Variants in SLC23A2 observed in about 807,000 individuals in gnomAD.
SLC23A2 encodes solute carrier family 23 member 2.
In SLC23A2, 36 loss-of-function variants were observed where a neutral mutation model predicts 73.3. The ratio of observed to expected loss-of-function variants is 0.49; its 90% CI spans 0.38 to 0.65. The LOEUF (loss-of-function observed/expected upper bound fraction) is 0.65, where lower values mean the gene tolerates loss of function less well. SLC23A2 is among the 30% of genes least tolerant of loss of function. SLC23A2 has a pLI of 0.00. For missense variants in SLC23A2, 507 were observed against 841.6 expected (o/e 0.60, Z 4.92); for synonymous variants, 343 against 327.3 (o/e 1.05, Z -0.52).
chr20:4,955,657 G>T lies in SLC23A2; in HGVS notation c.-155+15136C>A, dbSNP rs1385050789. Among the ~76,000 whole-genome samples the T allele has an allele frequency of 4.6e-5, 7 of 152,230 alleles. No individual in the cohort carries two copies. The East Asian group carries it at 1.3e-3, about 29-fold the overall frequency. ...TACAAAAAAATTAGCCGGGTATGGG[G>T]GCAGTGCCTTTAGTCCTAGCTACTT... On this transcript the variant is annotated intron_variant, in intron 2 of 16. Transcript: ENST00000338244.
intron 4 of SLC23A2, among the ~76,000 whole-genome samples, chr20:4,910,890 C>T (rs1776967): frequency 0.12 from 18,603 of 152,162 alleles, 1,417 homozygotes; most frequent in African/African-American, 0.2. Flanking sequence ...AAAATGTTCA[C>T]CCAAACAGGA....
At chr20:4,879,407 T>TAAAAAA (rs1930789225) in intron 9 of SLC23A2, among the ~76,000 whole-genome samples, 1 of 22,906 alleles carries the variant, frequency 4.4e-5, no homozygotes, top group African/African-American at 4.1e-4. Context: ...AAACTCTGTC[T>TAAAAAA]CAAAAAAAAA....
At chr20:4,938,386 T>C (rs1252042242) in intron 2 of SLC23A2, among the ~76,000 whole-genome samples, 1 of 149,840 alleles carries the variant, frequency 6.7e-6, no homozygotes, top group African/African-American at 2.5e-5. Context: ...TTCCCCAGGC[T>C]GGAGTGCAAT....
At chr20:5,000,157 T>A (rs2088093908) in intron 1 of SLC23A2, among the ~76,000 whole-genome samples, 1 of 152,134 alleles carries the variant, frequency 6.6e-6, no homozygotes, top group African/African-American at 2.4e-5. Flanking sequence ...AGAATTCTGA[T>A]TTTTTGAGCT....
In SLC23A2 at chr20:4,899,492, AT is replaced by A. The variant is rs1931666457; in HGVS notation, c.482+62del. The A allele has an allele frequency of 3.9e-4, 23 of 58,772 alleles. No individual in the cohort carries two copies. Among genetic ancestry groups the A allele is most frequent in the Admixed American group, 2.5e-3 (11 of 4,386 alleles). The allele number at this position is 58,772 out of a possible 1,614,324, so 3.6% of individuals were successfully genotyped here. On this transcript the variant is annotated intron_variant, in intron 6 of 16. Transcript: ENST00000338244. The surrounding 1 kb of genome is among the most constrained non-coding windows in gnomAD (Gnocchi z 4.9). ...AGCCCTAGGCAAACGGCGCAGCTCA[AT>A]GCCTTCTGCGCTCAATGCCTTCTGG...
In SLC23A2 at chr20:4,883,931, C is replaced by G; in HGVS notation, c.643-108G>C. 1.3e-6 allele frequency: 1 copy of G among 767,360 alleles called. No homozygotes were observed. Among genetic ancestry groups the G allele is most frequent in the Admixed American group, 3.2e-5 (1 of 30,976 alleles). The allele number at this position is 767,360 out of a possible 1,614,324, so 47.5% of individuals were successfully genotyped here. A position where few individuals can be genotyped will look rare whatever the true frequency, so the allele number is the denominator to read the frequency against. On this transcript the variant is annotated intron_variant, in intron 8 of 16. Coordinates refer to ENST00000338244, the MANE Select transcript of SLC23A2 (RefSeq NM_005116.6). This position sits in a 1 kb window ranked among gnomAD's most constrained non-coding sequence, Gnocchi z 4.5. ...AATTCTGCAAGGCAATAAGTTATTACATCATCTAACTTGGGAGAGATAGCT... is the reference window on the plus strand; with the variant it reads ...AATTCTGCAAGGCAATAAGTTATTAGATCATCTAACTTGGGAGAGATAGCT...
In SLC23A2 at chr20:4,856,414, G is replaced by T; in HGVS notation, c.*558C>A. ...CATGGCCAGATCTGGGCACAGGGGA[G>T]CCACGCCACTGTTTTCAGGTCAACA... On this transcript the variant is annotated 3_prime_UTR_variant, in exon 17 of 17. Coordinates refer to ENST00000338244, the MANE Select transcript of SLC23A2 (RefSeq NM_005116.6). The surrounding 1 kb of genome is among the most constrained non-coding windows in gnomAD (Gnocchi z 4.6). 6.5e-6 allele frequency: 1 copy of T among 153,392 alleles called. No individual in the cohort carries two copies. Among genetic ancestry groups the T allele is most frequent in the African/African-American group, 2.4e-5 (1 of 41,584 alleles). 9.5% of individuals were successfully genotyped at this position (153,392 alleles called of 1,614,324 possible). A position where few individuals can be genotyped will look rare whatever the true frequency, so the allele number is the denominator to read the frequency against.
intron 8 of SLC23A2, among the ~76,000 whole-genome samples, chr20:4,884,501 G>A (rs976833312): frequency 6.6e-5 from 10 of 152,208 alleles, no homozygotes; most frequent in African/African-American, 1.7e-4. Flanking sequence ...CTGTGCTGGC[G>A]GGTGTGAGTG....
chr20:5,008,209 C>T (rs2088211752), intron 1 of SLC23A2, among the ~76,000 whole-genome samples: 1 of 152,108 alleles, frequency 6.6e-6, no homozygotes, highest in African/African-American at 2.4e-5. Context: ...CACGCCCAGC[C>T]AAAATTTACC....
chr20:5,003,277 G>A (rs1334380284), upstream of SLC23A2, among the ~76,000 whole-genome samples: 4 of 152,028 alleles, frequency 2.6e-5, no homozygotes, highest in East Asian at 1.9e-4. Context: ...CCAGCTACTC[G>A]GGAGGCTGAG....
chr20:4,975,800 C>G (rs115912951), intron 1 of SLC23A2, among the ~76,000 whole-genome samples: 1,732 of 151,612 alleles, frequency 0.011, 31 homozygotes, highest in East Asian at 0.048. Context: ...GCCTTTTACC[C>G]ATTTTTTTCA....
At chr20:4,978,358 A>C (rs1392084937) in intron 1 of SLC23A2, among the ~76,000 whole-genome samples, 2 of 152,174 alleles carry the variant, frequency 1.3e-5, no homozygotes, top group Non-Finnish European at 2.9e-5. Flanking sequence ...GTTAACCCCA[A>C]AACTTTCTAA....
chr20:4,992,503 GTTTTTTTTTTTT>G (rs140932210), intron 1 of SLC23A2, among the ~76,000 whole-genome samples: 1 of 95,746 alleles, frequency 1.0e-5, no homozygotes, highest in Non-Finnish European at 2.0e-5. Flanking sequence ...AAGATTGACA[GTTTTTTTTTTTT>G]TTTTTTTTTG....
chr20:4,945,196 T>C (rs182043857), intron 2 of SLC23A2, among the ~76,000 whole-genome samples: 2 of 152,286 alleles, frequency 1.3e-5, no homozygotes, highest in East Asian at 1.9e-4. Flanking sequence ...TTATTTGATC[T>C]TGTGATGACA....
intron 6 of SLC23A2, among the ~76,000 whole-genome samples, chr20:4,887,321 T>C (rs924000560): frequency 2.6e-5 from 4 of 152,260 alleles, no homozygotes; most frequent in African/African-American, 9.6e-5. Context: ...AGGACTGTAC[T>C]GAAAGGACAG....
rs114083749 is a variant in SLC23A2 at position 4,931,855 on chromosome 20, G to C, written c.108+600C>G. Among the ~76,000 whole-genome samples the C allele has an allele frequency of 3.4e-3, 517 of 152,324 alleles. 6 individuals are homozygous for C. Among genetic ancestry groups the C allele is most frequent in the African/African-American group, 0.012 (496 of 41,574 alleles). The stretch of plus-strand genomic sequence containing the variant: ...TCCAGTATTAAGAGGAAAACATCTT[G>C]AGGCAAGACCTCTCTAAAGAGCATT... On this transcript the variant is annotated intron_variant, in intron 3 of 16. Coordinates refer to ENST00000338244, the MANE Select transcript of SLC23A2 (RefSeq NM_005116.6).
intron 13 of SLC23A2, among the ~76,000 whole-genome samples, chr20:4,866,819 C>G (rs1019420231): frequency 2.0e-5 from 3 of 152,132 alleles, no homozygotes; most frequent in African/African-American, 7.2e-5. Context: ...TGACAGAGGT[C>G]AACCAGTTCT....
chr20:4,953,304 C>T (rs182948306), intron 2 of SLC23A2, among the ~76,000 whole-genome samples: 1 of 150,370 alleles, frequency 6.7e-6, no homozygotes, highest in Admixed American at 6.6e-5. Context: ...GACTCCATCA[C>T]AAAAATAATA....
chr20:4,876,230 A>C (rs932890804), intron 9 of SLC23A2, among the ~76,000 whole-genome samples: 26 of 152,214 alleles, frequency 1.7e-4, no homozygotes, highest in Non-Finnish European at 1.0e-4. Flanking sequence ...TTTGTTTCAG[A>C]GTGAATATTA....
Sources: gnomAD v4.1 joint callset for allele counts (sites outside exome capture counted in the v4.1 genomes callset) on GRCh38, gnomAD v4.1.1 for gene constraint, Gnocchi (gnomAD v3.1) non-coding constraint, MANE v1.5 for transcripts, NCBI Gene and HGNC (gene_info 2026-07-23, HGNC 2026-07-21) for gene names.